Variants in WDR76 observed in about 807,000 individuals in gnomAD.
WDR76 encodes WD repeat domain 76.
WDR76 carries 52 observed loss-of-function variants against 70.2 expected under a neutral mutation model. That is an observed-to-expected ratio of 0.74 (90% confidence interval 0.59 to 0.93). The LOEUF (loss-of-function observed/expected upper bound fraction) is 0.93. Ranked by LOEUF, WDR76 falls within the 40% of genes least tolerant of loss-of-function variation. WDR76 has a pLI of 0.00. For missense variants in WDR76, 756 were observed against 760.2 expected (o/e 0.99, Z 0.07); for synonymous variants, 292 against 271.1 (o/e 1.08, Z -0.76).
intron 9 of WDR76, among the ~76,000 whole-genome samples, chr15:43,855,244 G>C (rs1265849272): frequency 6.6e-6 from 1 of 152,184 alleles, no homozygotes; most frequent in Non-Finnish European, 1.5e-5. Flanking sequence ...ACTATCTTGA[G>C]TGTGCTTTAT....
intron 2 of WDR76, among the ~76,000 whole-genome samples, chr15:43,832,299 G>A (rs1299388879): frequency 6.6e-6 from 1 of 152,018 alleles, no homozygotes. Context: ...GGAGGCTAAG[G>A]CTGGAGCCCA....
chr15:43,865,442 T>G (rs964879104), intron 12 of WDR76, among the ~76,000 whole-genome samples: 1 of 152,186 alleles, frequency 6.6e-6, no homozygotes, highest in Non-Finnish European at 1.5e-5. Flanking sequence ...CCAGCTAATT[T>G]TCCTATTTTT....
chr15:43,851,314 AATT>A (rs767853688), intron 9 of WDR76, 69 bp downstream of exon 9: 108 of 1,577,154 alleles, frequency 6.8e-5, no homozygotes, highest in Non-Finnish European at 8.5e-5. Flanking sequence ...CCACATGAAT[AATT>A]ATTATACCAA....
Position 43,835,190 on chromosome 15 carries a change from G to A in WDR76, c.552+40G>A, listed in dbSNP as rs757403123. ...TATTTAAAAGCAAGATGCAGGGCCG[G>A]GAACAGTGGGTAGCGCCTGTAATCC... On this transcript the variant is annotated intron_variant, in intron 3 of 12. Transcript: ENST00000263795. The A allele has an allele frequency of 2.5e-6, 4 of 1,577,002 alleles. No homozygotes were observed. In the East Asian group the frequency reaches 9.0e-5, roughly 35 times the overall value.
intron 2 of WDR76, among the ~76,000 whole-genome samples, chr15:43,830,886 A>ATATAATATATATAATATAATAT (rs2087579161): frequency 6.6e-6 from 1 of 152,026 alleles, no homozygotes. Flanking sequence ...GTCTCTCCTA[A>ATATAATATATATAATATAATAT]ATATAACAAA....
chr15:43,829,928 C>T (rs1375815264), intron 2 of WDR76, among the ~76,000 whole-genome samples: 1 of 151,912 alleles, frequency 6.6e-6, no homozygotes, highest in African/African-American at 2.4e-5. Context: ...GTTAAAACTC[C>T]ATTGCAGGGC....
chr15:43,859,827 C>G (rs551037463), intron 11 of WDR76, among the ~76,000 whole-genome samples: 4 of 152,286 alleles, frequency 2.6e-5, no homozygotes, highest in East Asian at 3.9e-4. Flanking sequence ...GCAATAAACT[C>G]TAGTGCCAGC....
chr15:43,862,231 T>C (rs1034394698), intron 12 of WDR76, among the ~76,000 whole-genome samples: 25 of 151,576 alleles, frequency 1.6e-4, no homozygotes, highest in Admixed American at 7.2e-4. Context: ...GTGTGTGATA[T>C]ACATTGATTG....
intron 9 of WDR76, among the ~76,000 whole-genome samples, chr15:43,854,114 T>C (rs888531552): frequency 1.3e-5 from 2 of 152,082 alleles, no homozygotes; most frequent in Admixed American, 6.6e-5. Flanking sequence ...GTATGTGAAA[T>C]GGTAAAGTTG....
chr15:43,861,196 G>A (rs1300540964), intron 11 of WDR76, 137 bp from the exon 12 acceptor site: 3 of 770,204 alleles, frequency 3.9e-6, no homozygotes, highest in African/African-American at 3.5e-5. Context: ...TCTAAACCCG[G>A]CCTGATCCTA....
At chr15:43,833,462 G>T (rs758561812) in intron 2 of WDR76, among the ~76,000 whole-genome samples, 3 of 151,600 alleles carry the variant, frequency 2.0e-5, no homozygotes, top group Non-Finnish European at 4.4e-5. Flanking sequence ...GGGACTACAG[G>T]CGCCCACCAC....
intron 8 of WDR76, among the ~76,000 whole-genome samples, chr15:43,849,403 A>G (rs1160186939): frequency 1.3e-5 from 2 of 152,196 alleles, no homozygotes; most frequent in African/African-American, 2.4e-5. Context: ...ATGTGTACCT[A>G]TACAGATAGA....
At chr15:43,828,955 T>C (rs1482724663) in intron 2 of WDR76, among the ~76,000 whole-genome samples, 1 of 150,734 alleles carries the variant, frequency 6.6e-6, no homozygotes, top group Non-Finnish European at 1.5e-5. Flanking sequence ...CAGGCCAGAG[T>C]GCAGTGACGC....
At chr15:43,842,056 T>G (rs1231130912) in intron 5 of WDR76, among the ~76,000 whole-genome samples, 2 of 152,010 alleles carry the variant, frequency 1.3e-5, no homozygotes, top group Non-Finnish European at 2.9e-5. Context: ...TTAGTAGAGA[T>G]GGGATTTCAC....
chr15:43,828,061 C>G lies in WDR76; in HGVS notation c.157C>G (p.Pro53Ala). 6.2e-7 allele frequency: 1 copy of G among 1,614,138 alleles called. No individual in the cohort carries two copies. The highest frequency in any genetic ancestry group is 8.5e-7 in the Non-Finnish European group (1 of 1,180,026). ...AAAAACAGCTAAGGTCTATCTTGCC[C>G]CCTTTTCACTCAGTAATTACCAGCT... Reference protein sequence around the residue: ...LIKTAKVYLAPFSLSNYQLDQ... With the variant: ...LIKTAKVYLAAFSLSNYQLDQ... The change falls in exon 2 of 13, where the codon CCC becomes GCC. Residue 53 changes from proline to alanine, a missense_variant. Pro to Ala is a conservative substitution (Grantham distance 27). Coordinates refer to ENST00000263795, the MANE Select transcript of WDR76 (RefSeq NM_024908.4).
chr15:43,828,363 C>T lies in WDR76; in HGVS notation c.459C>T (p.Ser153=), dbSNP rs779273886. ...ACAGTGATGAAGATACCACACCATC[C>T]CTGGTAAGAACTTAATTAGTAGCTT... The part of the protein sequence containing the change: ...DGDSDEDTTP[S]LDFSGLSPYE... Residue 153 remains serine (S), a synonymous_variant, in exon 2 of 13, where the codon TCC becomes TCT. Coordinates refer to ENST00000263795, the MANE Select transcript of WDR76 (RefSeq NM_024908.4). 4.4e-4 allele frequency: 704 copies of T among 1,594,582 alleles called. No homozygotes were observed. The highest frequency in any genetic ancestry group is 5.8e-4 in the Non-Finnish European group (678 of 1,172,592).
At position 43,844,557 on chromosome 15, in the gene WDR76, T is replaced by G. The variant is rs564005479; in HGVS notation, c.1032+503T>G. On this transcript the variant is annotated intron_variant, in intron 8 of 12. Coordinates refer to ENST00000263795, the MANE Select transcript of WDR76 (RefSeq NM_024908.4). ...ATTGCTTGAACCCAGGAGACGGAGGTTGGAGTGAGTCGACACTGTGCCATC... is the reference window on the plus strand; with the variant it reads ...ATTGCTTGAACCCAGGAGACGGAGGGTGGAGTGAGTCGACACTGTGCCATC... Among the ~76,000 whole-genome samples the G allele has an allele frequency of 2.1e-5, 3 of 145,742 alleles. No homozygotes were observed. The East Asian group carries it at 6.0e-4, about 29-fold the overall frequency.
chr15:43,864,873 C>T (rs2088050091), intron 12 of WDR76, among the ~76,000 whole-genome samples: 1 of 152,124 alleles, frequency 6.6e-6, no homozygotes, highest in Admixed American at 6.5e-5. Flanking sequence ...GGATTATAGG[C>T]ATGAGCCACT....
chr15:43,853,581 G>T (rs745553141), intron 9 of WDR76, among the ~76,000 whole-genome samples: 12 of 152,120 alleles, frequency 7.9e-5, no homozygotes, highest in African/African-American at 1.2e-4. Flanking sequence ...TAAAAAATGG[G>T]CAAAGGATCT....
Sources: allele counts gnomAD v4.1 joint callset (sites outside exome capture counted in the v4.1 genomes callset), GRCh38; gene constraint gnomAD v4.1.1; transcripts MANE v1.5; gene names NCBI Gene and HGNC (gene_info 2026-07-23, HGNC 2026-07-21).